Variants in CTNNA2 observed in about 807,000 individuals in gnomAD.
CTNNA2 encodes the protein catenin alpha 2.
A neutral mutation model predicts 101.0 loss-of-function variants in CTNNA2; 42 were observed. The ratio of observed to expected loss-of-function variants is 0.42; its 90% CI spans 0.32 to 0.54. The LOEUF is 0.54. CTNNA2 is among the 20% of genes least tolerant of loss of function. The pLI, the probability that CTNNA2 is intolerant of heterozygous loss-of-function variation, is 0.14. For missense variants in CTNNA2, 871 were observed against 1,223.1 expected (o/e 0.71, Z 4.29); for synonymous variants, 450 against 456.4 (o/e 0.99, Z 0.18).
At chr2:80,611,558 T>C (rs1228020360) in intron 17 of CTNNA2, among the ~76,000 whole-genome samples, 1 of 151,636 alleles carries the variant, frequency 6.6e-6, no homozygotes, top group Non-Finnish European at 1.5e-5. Flanking sequence ...TATCATGTTT[T>C]TGACTAATTT....
intron 7 of CTNNA2, among the ~76,000 whole-genome samples, chr2:80,107,981 C>T (rs775819152): frequency 9.2e-5 from 14 of 152,168 alleles, no homozygotes; most frequent in Non-Finnish European, 1.9e-4. Flanking sequence ...TCGAGAAAAA[C>T]TCCTGCACTG....
At chr2:80,628,995 T>A (rs899545241) in intron 18 of CTNNA2, among the ~76,000 whole-genome samples, 2 of 152,184 alleles carry the variant, frequency 1.3e-5, no homozygotes, top group Non-Finnish European at 2.9e-5. Context: ...TTTTCTCAGC[T>A]GTAAAGTGAA....
intron 7 of CTNNA2, among the ~76,000 whole-genome samples, chr2:79,911,443 C>CTTCTAA (rs1382130180): frequency 2.6e-5 from 4 of 152,158 alleles, no homozygotes; most frequent in African/African-American, 9.7e-5. Context: ...AAATAGAAAT[C>CTTCTAA]ACAGAACGTG....
At chr2:79,441,772 C>A (rs1317461011) in intron 4 of CTNNA2, among the ~76,000 whole-genome samples, 1 of 152,166 alleles carries the variant, frequency 6.6e-6, no homozygotes, top group East Asian at 1.9e-4. Context: ...GAATAAAACT[C>A]AAAGTCTTAC....
At chr2:80,504,814 A>T (rs1353781590) in intron 9 of CTNNA2, among the ~76,000 whole-genome samples, 2 of 152,184 alleles carry the variant, frequency 1.3e-5, no homozygotes, top group Non-Finnish European at 2.9e-5. Context: ...CTTTTTAAAC[A>T]CGTGGCCTGT....
intron 1 of CTNNA2, among the ~76,000 whole-genome samples, chr2:79,565,171 G>A (rs1319163371): frequency 6.6e-6 from 1 of 151,872 alleles, no homozygotes; most frequent in Non-Finnish European, 1.5e-5. Flanking sequence ...GCTAAAAGCC[G>A]GGTTGTCACA....
intron 9 of CTNNA2, among the ~76,000 whole-genome samples, chr2:80,469,179 G>T (rs1685092345): frequency 6.6e-6 from 1 of 152,118 alleles, no homozygotes; most frequent in Non-Finnish European, 1.5e-5. Context: ...TTTTCTTAGG[G>T]TCTGAGGTTT....
Position 79,869,857 on chromosome 2 carries a change from G to T in CTNNA2, c.507G>T (p.Glu169Asp). ...AAGCTGTCAAAAATGCTACAAATGA[G>T]CAAGACCTTGCAAACCGTTTTAAAG... ...ALEAVKNATN[E>D]QDLANRFKEF... The change falls in exon 5 of 19, where the codon GAG becomes GAT. Residue 169 changes from glutamate (E) to aspartate (D), a missense_variant. Around this residue, in one of 5 missense-constraint regions of CTNNA2, gnomAD observed 647 missense variants for 831.5 expected, o/e 0.78. Transcript: ENST00000402739. 6.2e-7 allele frequency: 1 copy of T among 1,614,118 alleles called. No individual in the cohort carries two copies. The highest frequency in any genetic ancestry group is 8.5e-7 in the Non-Finnish European group (1 of 1,180,026).
At position 80,646,414 on chromosome 2, in the gene CTNNA2, A is replaced by G. The variant is rs567732295; in HGVS notation, c.2575-1171A>G. Among the ~76,000 whole-genome samples, 3 of 152,260 alleles carry G rather than the reference A, an allele frequency of 2.0e-5. No homozygotes were observed. The South Asian group carries it at 6.2e-4, about 32-fold the overall frequency. Reference sequence around the variant, plus strand: ...CTCAAACATCCCTGAGGCTGGAATGATATTTGCAGTTCAGCTGTTAATTCT... The same window carrying G: ...CTCAAACATCCCTGAGGCTGGAATGGTATTTGCAGTTCAGCTGTTAATTCT... On this transcript the variant is annotated intron_variant, in intron 18 of 18. Coordinates refer to ENST00000402739, the MANE Select transcript of CTNNA2 (RefSeq NM_001282597.3).
At chr2:79,636,374 G>C (rs189754971) in intron 1 of CTNNA2, among the ~76,000 whole-genome samples, 1 of 151,868 alleles carries the variant, frequency 6.6e-6, no homozygotes, top group African/African-American at 2.4e-5. Context: ...AGACCACACG[G>C]GCACTAGAGC....
At chr2:79,678,796 T>G (rs1404755351) in intron 2 of CTNNA2, among the ~76,000 whole-genome samples, 1 of 152,218 alleles carries the variant, frequency 6.6e-6, no homozygotes, top group African/African-American at 2.4e-5. Flanking sequence ...TTCTCCAAAT[T>G]AGGCTCAGAG....
intron 9 of CTNNA2, among the ~76,000 whole-genome samples, chr2:80,528,205 GTTTGT>G (rs1690204779): frequency 6.6e-6 from 1 of 152,106 alleles, no homozygotes; most frequent in South Asian, 2.1e-4. Context: ...TTGTTTGTTC[GTTTGT>G]TTTGAGATGG....
intron 1 of CTNNA2, chr2:79,523,211 A>G: frequency 4.6e-6 from 2 of 435,662 alleles, no homozygotes; most frequent in South Asian, 1.7e-5. Context: ...TACAGAGATA[A>G]AATGTCTGGG....
chr2:80,191,812 C>T (rs187632741), intron 7 of CTNNA2, among the ~76,000 whole-genome samples: 38 of 152,298 alleles, frequency 2.5e-4, no homozygotes, highest in Admixed American at 6.5e-4. Context: ...GGCATTTCAT[C>T]TACAAACAGT....
intron 3 of CTNNA2, among the ~76,000 whole-genome samples, chr2:79,352,433 A>G (rs1677412475): frequency 6.6e-6 from 1 of 152,078 alleles, no homozygotes. Context: ...CTGTAATAAT[A>G]TCTTTGTCAT....
At chr2:79,998,011 A>C (rs1331558344) in intron 7 of CTNNA2, among the ~76,000 whole-genome samples, 2 of 152,158 alleles carry the variant, frequency 1.3e-5, no homozygotes, top group African/African-American at 4.8e-5. Context: ...TGAACACTAA[A>C]ATCCTAATTA....
chr2:80,328,774 A>G (rs1275241116), intron 7 of CTNNA2, among the ~76,000 whole-genome samples: 2 of 152,242 alleles, frequency 1.3e-5, no homozygotes, highest in Non-Finnish European at 2.9e-5. Context: ...TGTTGGTCGA[A>G]CATCGTAGAA....
intron 9 of CTNNA2, among the ~76,000 whole-genome samples, chr2:80,512,899 T>A (rs965663052): frequency 6.6e-6 from 1 of 152,206 alleles, no homozygotes; most frequent in Non-Finnish European, 1.5e-5. Flanking sequence ...TTAAGCTTTT[T>A]TGGCATCCAC....
chr2:80,164,077 G>A lies in CTNNA2; in HGVS notation c.1057-229134G>A, dbSNP rs183898750. ...GTGATTTTCTTATAGAGAGCATATA[G>A]TTGGATAATGGTTTTGGATCCAGTC... On this transcript the variant is annotated intron_variant, in intron 7 of 18. Transcript: ENST00000402739. Among the ~76,000 whole-genome samples the A allele has an allele frequency of 8.0e-4, 122 of 151,644 alleles. 1 individual carries two copies. The highest frequency in any genetic ancestry group is 2.8e-3 in the African/African-American group (117 of 41,450).
Sources: allele counts gnomAD v4.1 joint callset (sites outside exome capture counted in the v4.1 genomes callset), GRCh38; gene constraint gnomAD v4.1.1; regional missense constraint gnomAD v4.1.1; transcripts MANE v1.5; gene names NCBI Gene and HGNC (gene_info 2026-07-23, HGNC 2026-07-21).